The following CACHD1 variants were observed in gnomAD, a reference collection of about 807,000 sequenced individuals.
CACHD1 encodes VWFA and cache domain-containing protein 1.
A neutral mutation model predicts 138.7 loss-of-function variants in CACHD1; 71 were observed. That is an observed-to-expected ratio of 0.51 (90% CI 0.42 to 0.62). The LOEUF is 0.62. Ranked by LOEUF, CACHD1 falls within the 20% of genes least tolerant of loss-of-function variation. The pLI is 0.00. For synonymous variants in CACHD1, 578 were observed against 591.5 expected, an observed-to-expected ratio of 0.98 and a Z score of 0.33; for missense variants, 1,389 against 1,625.3, an observed-to-expected ratio of 0.85 and a Z score of 2.50.
chr1:64,689,588 TG>T (rs1650478876), intron 26 of CACHD1, among the ~76,000 whole-genome samples: 1 of 152,190 alleles, frequency 6.6e-6, no homozygotes, highest in South Asian at 2.1e-4. Flanking sequence ...TGCCATTTTT[TG>T]GCCTGCTCAG....
rs1649766229 is a variant in CACHD1 at position 64,670,114 on chromosome 1, A to G, written c.2388-1450A>G. Among the ~76,000 whole-genome samples the G allele has an allele frequency of 2.6e-5, 4 of 152,268 alleles. No individual in the cohort carries two copies. The South Asian group carries it at 8.3e-4, about 32-fold the overall frequency. Reference sequence around the variant, plus strand: ...TAAGAAGGCAGTACAACTTCATGGTATATGCTTTGGAGTTGAAGACACTAA... The same window carrying G: ...TAAGAAGGCAGTACAACTTCATGGTGTATGCTTTGGAGTTGAAGACACTAA... On this transcript the variant is annotated intron_variant, in intron 16 of 26. Coordinates refer to ENST00000651257, the MANE Select transcript of CACHD1 (RefSeq NM_020925.4).
chr1:64,540,191 C>CAGAACACTGAAT (rs1646666141), intron 1 of CACHD1, among the ~76,000 whole-genome samples: 1 of 152,110 alleles, frequency 6.6e-6, no homozygotes, highest in Non-Finnish European at 1.5e-5. Context: ...CGTGTACACA[C>CAGAACACTGAAT]AGAACACTGA....
chr1:64,629,440 A>T lies in CACHD1; in HGVS notation c.603A>T (p.Ala201=). 5 of 1,614,136 alleles carry T rather than the reference A, an allele frequency of 3.1e-6. No individual in the cohort carries two copies. The highest frequency in any genetic ancestry group is 4.2e-6 in the Non-Finnish European group (5 of 1,179,978). ...AAGGAATTTTCACTGTTTTCCCAGCACACAAGTTCCGGTGTAAGGGCAGCT... is the reference window on the plus strand; with the variant it reads ...AAGGAATTTTCACTGTTTTCCCAGCTCACAAGTTCCGGTGTAAGGGCAGCT... ...SEEGIFTVFP[A]HKFRCKGSYE... Residue 201 remains alanine (A), a synonymous_variant, in exon 5 of 27, where the codon GCA becomes GCT. Transcript: ENST00000651257.
In CACHD1 at chr1:64,678,189, G is replaced by A; in HGVS notation, c.3123G>A (p.Trp1041Ter). The A allele has an allele frequency of 1.2e-6, 2 of 1,612,784 alleles. No homozygotes were observed. Residue 1041 changes from tryptophan to a stop codon, truncating the protein, a stop_gained, in exon 23 of 27, where the codon TGG becomes TGA. Transcript: ENST00000651257. LOFTEE classifies it high-confidence loss of function. ...GDCFGVLDCE[W>*]CMVDSDGKTH... ...GTTTTGGGGTGCTGGATTGTGAATGGTGCATGGTGGACAGTGATGGAAAGA... is the reference window on the plus strand; with the variant it reads ...GTTTTGGGGTGCTGGATTGTGAATGATGCATGGTGGACAGTGATGGAAAGA...
chr1:64,473,430 A>G (rs1287515463), intron 1 of CACHD1, among the ~76,000 whole-genome samples: 4 of 152,288 alleles, frequency 2.6e-5, no homozygotes, highest in Non-Finnish European at 4.4e-5. Context: ...GTCTGAAATT[A>G]TGTGGGTTTA....
chr1:64,508,126 C>A (rs560206522), intron 1 of CACHD1, among the ~76,000 whole-genome samples: 1 of 152,190 alleles, frequency 6.6e-6, no homozygotes, highest in African/African-American at 2.4e-5. Flanking sequence ...GGGGGAGGTG[C>A]TACACACTTT....
intron 1 of CACHD1, among the ~76,000 whole-genome samples, chr1:64,496,732 C>A (rs1217553662): frequency 6.6e-6 from 1 of 152,030 alleles, no homozygotes; most frequent in Non-Finnish European, 1.5e-5. Flanking sequence ...GCTGAGCCAA[C>A]CTCGGAAAGC....
Position 64,664,571 on chromosome 1 carries a change from G to T in CACHD1, c.2168G>T (p.Ser723Ile). The T allele has an allele frequency of 6.2e-7, 1 of 1,614,172 alleles. No individual in the cohort carries two copies. The change falls in exon 15 of 27, where the codon AGC becomes ATC. Residue 723 changes from serine (S) to isoleucine (I), a missense_variant. Physicochemically the swap from Ser to Ile is moderately radical, Grantham distance 142. This residue lies in a region of CACHD1 where 1,000 missense variants were observed against 1,114.7 expected (regional missense o/e 0.90). Coordinates refer to ENST00000651257, the MANE Select transcript of CACHD1 (RefSeq NM_020925.4). Reference protein sequence around the residue: ...DEWMTQMEMSSLNTYIVRRYI... With the variant: ...DEWMTQMEMSILNTYIVRRYI... The stretch of plus-strand genomic sequence containing the variant: ...TGGATGACACAAATGGAAATGAGTA[G>T]CCTGAACACTTACATTGTCCGCCGT...
At chr1:64,544,591 C>G (rs1366992592) in intron 1 of CACHD1, among the ~76,000 whole-genome samples, 1 of 150,282 alleles carries the variant, frequency 6.7e-6, no homozygotes, top group African/African-American at 2.4e-5. Context: ...TACCCATGCA[C>G]ACGTGCGCAC....
intron 4 of CACHD1, among the ~76,000 whole-genome samples, chr1:64,617,477 T>G (rs541151889): frequency 1.3e-5 from 2 of 152,244 alleles, no homozygotes; most frequent in South Asian, 4.1e-4. Flanking sequence ...ATGGACTGGT[T>G]ATTTTTGCAT....
chr1:64,559,630 G>A (rs915178238), intron 2 of CACHD1, among the ~76,000 whole-genome samples: 4 of 151,812 alleles, frequency 2.6e-5, no homozygotes, highest in Admixed American at 6.6e-5. Flanking sequence ...ACCTTCACAT[G>A]TACACCCAAA....
chr1:64,569,976 C>G lies in CACHD1; in HGVS notation c.262-12180C>G, dbSNP rs1646913840. Among the ~76,000 whole-genome samples, 4 of 152,276 alleles carry G rather than the reference C, an allele frequency of 2.6e-5. No individual in the cohort carries two copies. The South Asian group carries it at 8.3e-4, about 32-fold the overall frequency. On this transcript the variant is annotated intron_variant, in intron 2 of 26. Transcript: ENST00000651257. Reference sequence around the variant, plus strand: ...TTTGGAAATGCTGCTAAGGGAACAGCCAAGACTTCTCCAGCCCTCTCCCTA... The same window carrying G: ...TTTGGAAATGCTGCTAAGGGAACAGGCAAGACTTCTCCAGCCCTCTCCCTA...
chr1:64,650,379 C>T (rs957294791), intron 9 of CACHD1, among the ~76,000 whole-genome samples: 9 of 152,190 alleles, frequency 5.9e-5, no homozygotes, highest in African/African-American at 2.2e-4. Flanking sequence ...CATGCTGGTC[C>T]TCACAGCCTG....
At chr1:64,476,702 C>T (rs1449484083) in intron 1 of CACHD1, among the ~76,000 whole-genome samples, 3 of 152,218 alleles carry the variant, frequency 2.0e-5, no homozygotes, top group African/African-American at 7.2e-5. Flanking sequence ...CTTAGCACTT[C>T]CTGGACTTCC....
At chr1:64,536,112 A>T (rs1211513804) in intron 1 of CACHD1, among the ~76,000 whole-genome samples, 1 of 152,230 alleles carries the variant, frequency 6.6e-6, no homozygotes, top group Admixed American at 6.5e-5. Context: ...GTAAGTTTCT[A>T]GTTATGCAAT....
chr1:64,685,451 G>A (rs1332205816), intron 26 of CACHD1, among the ~76,000 whole-genome samples: 1 of 152,118 alleles, frequency 6.6e-6, no homozygotes, highest in Admixed American at 6.5e-5. Context: ...GGAGGTGGAG[G>A]GGGCTACAGA....
intron 1 of CACHD1, among the ~76,000 whole-genome samples, chr1:64,525,259 A>G (rs1646529412): frequency 6.6e-6 from 1 of 152,218 alleles, no homozygotes; most frequent in Non-Finnish European, 1.5e-5. Flanking sequence ...TTAGTACTCA[A>G]GATCAGAGAC....
chr1:64,547,658 C>T (rs527582974), intron 1 of CACHD1, among the ~76,000 whole-genome samples: 6 of 152,168 alleles, frequency 3.9e-5, no homozygotes, highest in African/African-American at 1.4e-4. Context: ...TGAGCCACCG[C>T]ACCCAGCCTA....
chr1:64,536,516 C>T (rs761921918), intron 1 of CACHD1, among the ~76,000 whole-genome samples: 11 of 152,076 alleles, frequency 7.2e-5, no homozygotes, highest in Admixed American at 1.3e-4. Context: ...GTTTCTAGTT[C>T]GGTGTGCAGT....
Sources: gnomAD v4.1 joint callset for allele counts (sites outside exome capture counted in the v4.1 genomes callset) on GRCh38, gnomAD v4.1.1 for gene constraint, gnomAD v4.1.1 regional missense constraint, MANE v1.5 for transcripts, NCBI Gene and HGNC (gene_info 2026-07-23, HGNC 2026-07-21) for gene names.